Variants in ANKAR observed in about 807,000 individuals in gnomAD.
The protein encoded by ANKAR is ankyrin and armadillo repeat containing, also known as ankyrin and armadillo repeat-containing protein.
Under a neutral mutation model 146.2 loss-of-function variants are expected in ANKAR, and 136 were observed. The ratio of observed to expected loss-of-function variants is 0.93; its 90% CI spans 0.81 to 1.07. ANKAR has a LOEUF of 1.07. ANKAR is among the 50% of genes least tolerant of loss of function. ANKAR has a pLI of 0.00. For missense variants in ANKAR, 1,567 were observed against 1,679.9 expected, an observed-to-expected ratio of 0.93 and a Z score of 1.18; for synonymous variants, 500 against 575.8, an observed-to-expected ratio of 0.87 and a Z score of 1.88.
At chr2:189,722,186 A>G (rs560707027) in intron 12 of ANKAR, among the ~76,000 whole-genome samples, 5 of 152,208 alleles carry the variant, frequency 3.3e-5, no homozygotes, top group Non-Finnish European at 7.4e-5. Context: ...CTAAAATACA[A>G]AAATCAGCTG....
chr2:189,714,008 G>C (rs919725378), intron 10 of ANKAR, among the ~76,000 whole-genome samples: 1 of 151,980 alleles, frequency 6.6e-6, no homozygotes, highest in Non-Finnish European at 1.5e-5. Flanking sequence ...ATATTAAAAA[G>C]GAGACAAGGG....
chr2:189,676,771 T>TC lies in ANKAR; in HGVS notation c.282dup (p.Asp96ArgfsTer3), dbSNP rs751281610. On this transcript the variant is annotated frameshift_variant, in exon 2 of 23. Coordinates refer to ENST00000684021, the MANE Select transcript of ANKAR (RefSeq NM_001378068.1). LOFTEE classifies it high-confidence loss of function. ...CTGACTCCCGTGGACCCTACTGCCC[T>TC]CTTAGACTATAGAGAGGTCCATCAA... The TC allele has an allele frequency of 6.2e-7, 1 of 1,614,174 alleles. No individual in the cohort carries two copies. The highest frequency in any genetic ancestry group is 8.5e-7 in the Non-Finnish European group (1 of 1,180,032).
chr2:189,676,897 C>T lies in ANKAR; in HGVS notation c.407C>T (p.Pro136Leu). 1 of 1,614,102 alleles carries T rather than the reference C, an allele frequency of 6.2e-7. No homozygotes were observed. Among genetic ancestry groups the T allele is most frequent in the Non-Finnish European group, 8.5e-7 (1 of 1,180,024 alleles). Residue 136 changes from proline to leucine, a missense_variant, in exon 2 of 23, where the codon CCA becomes CTA. By Grantham distance (98) the Pro-to-Leu change is moderately conservative. Coordinates refer to ENST00000684021, the MANE Select transcript of ANKAR (RefSeq NM_001378068.1). Reference protein sequence around the residue: ...YDQSSSCQLPPAYYDTRIGQI... With the variant: ...YDQSSSCQLPLAYYDTRIGQI... ...CAGAGTTCTTCTTGTCAATTACCTC[C>T]AGCTTATTATGATACCAGAATTGGG...
intron 18 of ANKAR, among the ~76,000 whole-genome samples, chr2:189,751,933 G>A (rs2105976416): frequency 6.6e-6 from 1 of 150,960 alleles, no homozygotes; most frequent in East Asian, 2.0e-4. Context: ...ATCACTTGAG[G>A]CCTGGAGTTC....
chr2:189,751,215 T>C (rs141994699), downstream of ANKAR, among the ~76,000 whole-genome samples: 273 of 152,286 alleles, frequency 1.8e-3, 1 homozygote, highest in African/African-American at 6.4e-3. Flanking sequence ...GTGTCCAAGA[T>C]AAGGCTTTGC....
chr2:189,762,492 T>G (rs2106117108), downstream of ANKAR: 2 of 742,926 alleles, frequency 2.7e-6, no homozygotes, highest in Middle Eastern at 7.0e-4. Context: ...TAGATTTGCA[T>G]TAACAAAATC....
chr2:189,742,728 A>G (rs1333068387), intron 20 of ANKAR, among the ~76,000 whole-genome samples: 3 of 152,040 alleles, frequency 2.0e-5, no homozygotes, highest in Non-Finnish European at 2.9e-5. Flanking sequence ...GAACCCAGGC[A>G]TAATTGTCAA....
chr2:189,726,864 A>G (rs1013601860), intron 12 of ANKAR, among the ~76,000 whole-genome samples: 3 of 152,200 alleles, frequency 2.0e-5, no homozygotes, highest in African/African-American at 7.2e-5. Context: ...TTAGAAAAGT[A>G]AATTATATAG....
chr2:189,745,027 C>CTAATAATAA (rs1553537043), intron 22 of ANKAR, among the ~76,000 whole-genome samples: 40 of 131,090 alleles, frequency 3.1e-4, no homozygotes, highest in East Asian at 1.3e-3. Flanking sequence ...ACTACTACTA[C>CTAATAATAA]TAATAATACA....
intron 18 of ANKAR, chr2:189,753,859 GA>G: frequency 6.4e-7 from 1 of 1,574,752 alleles, no homozygotes; most frequent in Non-Finnish European, 8.6e-7. Context: ...AAGGTCTTGG[GA>G]AAAAAGTAAC....
intron 18 of ANKAR, among the ~76,000 whole-genome samples, chr2:189,752,104 A>C (rs1422872829): frequency 2.0e-5 from 3 of 151,852 alleles, no homozygotes; most frequent in Non-Finnish European, 4.4e-5. Context: ...AGAATGCGCC[A>C]CTGCACTCTA....
Position 189,719,819 on chromosome 2 carries a change from T to G in ANKAR, c.2466+6T>G, listed in dbSNP as rs746637376. ...AGGATGTTATTGCCAAATATGTAAG[T>G]TCCTTTCATATACAATTATTTTTGA... On this transcript the variant is annotated splice_donor_region_variant and intron_variant, in intron 11 of 22. Coordinates refer to ENST00000684021, the MANE Select transcript of ANKAR (RefSeq NM_001378068.1). The G allele has an allele frequency of 6.4e-7, 1 of 1,554,828 alleles. No individual in the cohort carries two copies. Among genetic ancestry groups the G allele is most frequent in the African/African-American group, 1.3e-5 (1 of 74,346 alleles).
intron 3 of ANKAR, among the ~76,000 whole-genome samples, 186 bp downstream of exon 3, chr2:189,690,150 A>G (rs534124067): frequency 1.3e-5 from 2 of 152,282 alleles, no homozygotes; most frequent in Admixed American, 1.3e-4. Context: ...TACTTTGTAT[A>G]TATTTATACC....
At chr2:189,732,077 G>A (rs955789664) in intron 16 of ANKAR, among the ~76,000 whole-genome samples, 2 of 152,020 alleles carry the variant, frequency 1.3e-5, no homozygotes, top group Non-Finnish European at 2.9e-5. Context: ...AATGAGTTTT[G>A]AAACTTGTTT....
intron 22 of ANKAR, among the ~76,000 whole-genome samples, chr2:189,745,291 T>C (rs372719487): frequency 2.2e-4 from 34 of 152,272 alleles, no homozygotes; most frequent in African/African-American, 7.2e-4. Context: ...CAAGCCCATA[T>C]TGATCATTTT....
At chr2:189,747,823 T>A (rs1313892479), downstream of ANKAR, among the ~76,000 whole-genome samples, 1 of 152,110 alleles carries the variant, frequency 6.6e-6, no homozygotes, top group Non-Finnish European at 1.5e-5. Context: ...GTAGCTGCGG[T>A]TACAGGCGCC....
intron 10 of ANKAR, among the ~76,000 whole-genome samples, chr2:189,713,309 A>G (rs1056302173): frequency 6.6e-6 from 1 of 152,202 alleles, no homozygotes; most frequent in Non-Finnish European, 1.5e-5. Context: ...CCCAAGACAC[A>G]TAATTGTCAG....
chr2:189,700,201 C>T (rs2037861927), intron 7 of ANKAR, among the ~76,000 whole-genome samples: 1 of 152,106 alleles, frequency 6.6e-6, no homozygotes, highest in East Asian at 1.9e-4. Flanking sequence ...AGTCTTTATT[C>T]CTCATTCACT....
chr2:189,719,871 T>C (rs1480233922), intron 11 of ANKAR, 58 bp downstream of exon 11: 3 of 1,466,392 alleles, frequency 2.0e-6, no homozygotes, highest in Non-Finnish European at 2.7e-6. Flanking sequence ...CATATAGAAG[T>C]TACAAAAATA....
Sources: allele counts gnomAD v4.1 joint callset (sites outside exome capture counted in the v4.1 genomes callset), GRCh38; gene constraint gnomAD v4.1.1; transcripts MANE v1.5; gene names NCBI Gene and HGNC (gene_info 2026-07-23, HGNC 2026-07-21).